PRKN: variants seen among roughly 807,000 people sequenced by gnomAD.
The protein encoded by PRKN is E3 ubiquitin-protein ligase parkin.
Under a neutral mutation model 59.5 loss-of-function variants are expected in PRKN, and 56 were observed. The observed-to-expected ratio is 0.94, with a 90% CI of 0.76 to 1.18. The LOEUF (loss-of-function observed/expected upper bound fraction) is 1.18. Ranked by LOEUF, PRKN falls within the 50% of genes most tolerant of loss-of-function variation. The pLI is 0.00. For missense variants in PRKN, 657 were observed against 596.4 expected, an observed-to-expected ratio of 1.10 and a Z score of -1.06; for synonymous variants, 250 against 222.1, an observed-to-expected ratio of 1.13 and a Z score of -1.12.
chr6:162,234,173 T>C (rs1450705119), intron 3 of PRKN, among the ~76,000 whole-genome samples: 1 of 152,110 alleles, frequency 6.6e-6, no homozygotes, highest in Non-Finnish European at 1.5e-5. Flanking sequence ...TGAGAACAGG[T>C]ACACGACAAT....
At position 161,397,771 on chromosome 6, in the gene PRKN, A is replaced by G. The variant is rs1250541162; in HGVS notation, c.1084-10894T>C. Among the ~76,000 whole-genome samples the G allele has an allele frequency of 2.0e-5, 3 of 152,208 alleles. No homozygotes were observed. Among genetic ancestry groups the G allele is most frequent in the Non-Finnish European group, 4.4e-5 (3 of 68,040 alleles). Reference sequence around the variant, plus strand: ...GGATAGCACAGTGCTGAGGAAACCCAGTACTGAGAATGGAGAGGTCAATCC... The same window carrying G: ...GGATAGCACAGTGCTGAGGAAACCCGGTACTGAGAATGGAGAGGTCAATCC... On this transcript the variant is annotated intron_variant, in intron 9 of 11. Coordinates refer to ENST00000366898, the MANE Select transcript of PRKN (RefSeq NM_004562.3). The surrounding 1 kb of genome is among the most constrained non-coding windows in gnomAD (Gnocchi z 4.2).
chr6:162,674,081 T>G (rs1185089498), intron 1 of PRKN, among the ~76,000 whole-genome samples: 3 of 152,236 alleles, frequency 2.0e-5, no homozygotes, highest in Non-Finnish European at 4.4e-5. Context: ...TCAGAACACA[T>G]TAAGAGCTCA....
chr6:162,404,123 G>A (rs866760183), intron 2 of PRKN, among the ~76,000 whole-genome samples: 1 of 152,060 alleles, frequency 6.6e-6, no homozygotes, highest in African/African-American at 2.4e-5. Context: ...TGTAATCCCA[G>A]CACTTTGGGA....
At chr6:161,702,744 T>A (rs913880141) in intron 7 of PRKN, among the ~76,000 whole-genome samples, 8 of 152,024 alleles carry the variant, frequency 5.3e-5, no homozygotes, top group African/African-American at 1.4e-4. Flanking sequence ...TTAGAAGATA[T>A]AAGTGTAAAA....
rs1272084301 is a variant in PRKN at position 161,562,063 on chromosome 6, C to A, written c.933+7292G>T. On this transcript the variant is annotated intron_variant, in intron 8 of 11. Transcript: ENST00000366898. The surrounding 1 kb of genome is among the most constrained non-coding windows in gnomAD (Gnocchi z 4.3). ...AGGCCCGCCTTCTCAGCTTCCCCAACACCATAAATCAGCATTCCTCCTCTG... is the reference window on the plus strand; with the variant it reads ...AGGCCCGCCTTCTCAGCTTCCCCAAAACCATAAATCAGCATTCCTCCTCTG... Among the ~76,000 whole-genome samples the A allele has an allele frequency of 6.6e-6, 1 of 150,762 alleles. No homozygotes were observed. The highest frequency in any genetic ancestry group is 1.5e-5 in the Non-Finnish European group (1 of 67,670).
intron 5 of PRKN, among the ~76,000 whole-genome samples, chr6:162,010,889 A>G (rs1314737196): frequency 8.7e-5 from 1 of 11,494 alleles, no homozygotes; most frequent in Non-Finnish European, 1.1e-4. Context: ...ATTATATAAT[A>G]TATTATATAT....
At chr6:162,536,397 A>G (rs1047465730) in intron 1 of PRKN, among the ~76,000 whole-genome samples, 10 of 152,138 alleles carry the variant, frequency 6.6e-5, no homozygotes, top group Non-Finnish European at 1.2e-4. Context: ...TTCTACTCAC[A>G]ATGTTTCCAG....
intron 4 of PRKN, among the ~76,000 whole-genome samples, chr6:162,115,714 C>A (rs930654443): frequency 6.6e-6 from 1 of 151,942 alleles, no homozygotes; most frequent in Non-Finnish European, 1.5e-5. Context: ...AAAAAATCAG[C>A]TGGCAGGAGC....
At chr6:162,310,677 T>C (rs1028179940) in intron 2 of PRKN, among the ~76,000 whole-genome samples, 78 of 152,020 alleles carry the variant, frequency 5.1e-4, no homozygotes, top group African/African-American at 1.7e-3. Flanking sequence ...CACACCAACA[T>C]GGCACATGTA....
chr6:162,327,248 G>A (rs572653349), intron 2 of PRKN, among the ~76,000 whole-genome samples: 13 of 152,108 alleles, frequency 8.5e-5, no homozygotes, highest in Non-Finnish European at 1.6e-4. Context: ...TTGTGACTAC[G>A]GTGATTTTCC....
chr6:162,559,812 G>T (rs1303910639), intron 1 of PRKN, among the ~76,000 whole-genome samples: 5 of 151,510 alleles, frequency 3.3e-5, no homozygotes, highest in African/African-American at 1.2e-4. Context: ...CTGATATTTT[G>T]TTGATGGAGA....
At chr6:161,610,349 C>T (rs778112999) in intron 7 of PRKN, among the ~76,000 whole-genome samples, 1 of 151,912 alleles carries the variant, frequency 6.6e-6, no homozygotes, top group Non-Finnish European at 1.5e-5. Context: ...TTCAGCACCA[C>T]CAAAATACGT....
At chr6:161,646,275 G>C (rs11968418) in intron 7 of PRKN, among the ~76,000 whole-genome samples, 3,502 of 20,116 alleles carry the variant, frequency 0.17, 187 homozygotes, top group African/African-American at 0.47. Flanking sequence ...TGACAGTGGT[G>C]ACTGCGTGTG....
In PRKN at chr6:162,151,300, C is replaced by T. The variant is rs543082757; in HGVS notation, c.534+49831G>A. On this transcript the variant is annotated intron_variant, in intron 4 of 11. Coordinates refer to ENST00000366898, the MANE Select transcript of PRKN (RefSeq NM_004562.3). ...TTTGGCTCCATCAGACAAACAGGTGCACCAGCATTTCCCTCCACCATTCCC... is the reference window on the plus strand; with the variant it reads ...TTTGGCTCCATCAGACAAACAGGTGTACCAGCATTTCCCTCCACCATTCCC... Among the ~76,000 whole-genome samples, 3 of 152,284 alleles carry T rather than the reference C, an allele frequency of 2.0e-5. No individual in the cohort carries two copies. The South Asian group carries it at 6.2e-4, about 32-fold the overall frequency.
Position 161,397,543 on chromosome 6 carries a change from C to A in PRKN, c.1084-10666G>T, listed in dbSNP as rs972905841. ...TTCTCAAAATCTATTCCACCCTTCC[C>A]AACTCCTCTTTTAAGATGCACTTTG... On this transcript the variant is annotated intron_variant, in intron 9 of 11. Coordinates refer to ENST00000366898, the MANE Select transcript of PRKN (RefSeq NM_004562.3). The surrounding 1 kb of genome is among the most constrained non-coding windows in gnomAD (Gnocchi z 4.2). Among the ~76,000 whole-genome samples the A allele has an allele frequency of 1.3e-5, 2 of 152,320 alleles. No individual in the cohort carries two copies. Among genetic ancestry groups the A allele is most frequent in the Admixed American group, 1.3e-4 (2 of 15,300 alleles).
chr6:162,445,664 C>T (rs528909515), intron 1 of PRKN, among the ~76,000 whole-genome samples: 26 of 119,572 alleles, frequency 2.2e-4, no homozygotes, highest in Admixed American at 4.7e-4. Flanking sequence ...TGCACTCAGT[C>T]ACCCTGGGTG....
chr6:161,408,680 C>T lies in PRKN; in HGVS notation c.1084-21803G>A, dbSNP rs190468567. ...GCAAGTAGGATCTGCAGGAAGAAAACAGTTGTGGGAATGCTGTTGGTGGCA... is the reference window on the plus strand; with the variant it reads ...GCAAGTAGGATCTGCAGGAAGAAAATAGTTGTGGGAATGCTGTTGGTGGCA... On this transcript the variant is annotated intron_variant, in intron 9 of 11. Coordinates refer to ENST00000366898, the MANE Select transcript of PRKN (RefSeq NM_004562.3). Among the ~76,000 whole-genome samples the T allele has an allele frequency of 2.4e-3, 372 of 152,026 alleles. 2 individuals are homozygous for T. Among genetic ancestry groups the T allele is most frequent in the Middle Eastern group, 3.4e-3 (1 of 294 alleles).
chr6:162,355,978 A>G (rs567620428), intron 2 of PRKN, among the ~76,000 whole-genome samples: 2 of 152,304 alleles, frequency 1.3e-5, no homozygotes, highest in South Asian at 4.1e-4. Context: ...AGATCCATCT[A>G]TAGGTTGATA....
At chr6:161,539,677 C>T (rs1213124014) in intron 9 of PRKN, among the ~76,000 whole-genome samples, 4 of 152,134 alleles carry the variant, frequency 2.6e-5, no homozygotes, top group Admixed American at 6.5e-5. Context: ...TGTTCAGAAA[C>T]CTCAAACATT....
Sources: gnomAD v4.1 joint callset for allele counts (sites outside exome capture counted in the v4.1 genomes callset) on GRCh38, gnomAD v4.1.1 for gene constraint, Gnocchi (gnomAD v3.1) non-coding constraint, MANE v1.5 for transcripts, NCBI Gene and HGNC (gene_info 2026-07-23, HGNC 2026-07-21) for gene names.